CUBN: variants seen among roughly 807,000 people sequenced by gnomAD.
CUBN encodes cubilin.
CUBN carries 282 observed loss-of-function variants against 405.3 expected under a neutral mutation model. The ratio of observed to expected loss-of-function variants is 0.70; its 90% CI spans 0.63 to 0.77. CUBN has a LOEUF of 0.77. Among genes scored for constraint, CUBN ranks in the 30% least tolerant of loss-of-function variants. The probability of loss-of-function intolerance (pLI) is 0.00; values close to 1 mark genes in which losing one functional copy is unlikely to be tolerated. For missense variants in CUBN, 4,514 were observed against 4,475.2 expected, an observed-to-expected ratio of 1.01 and a Z score of -0.25; for synonymous variants, 1,684 against 1,617.0, an observed-to-expected ratio of 1.04 and a Z score of -0.99.
At position 16,944,299 on chromosome 10, in the gene CUBN, A is replaced by G. The variant is rs192001028; in HGVS notation, c.5342+2936T>C. Among the ~76,000 whole-genome samples the G allele has an allele frequency of 9.7e-4, 148 of 152,292 alleles. 1 individual carries two copies. Among genetic ancestry groups the G allele is most frequent in the African/African-American group, 3.2e-3 (132 of 41,552 alleles). Reference sequence around the variant, plus strand: ...GCTTTCTGAGAAGCAGAAGAAAACAATTTACCATATTCACATTTTTGGTCA... The same window carrying G: ...GCTTTCTGAGAAGCAGAAGAAAACAGTTTACCATATTCACATTTTTGGTCA... On this transcript the variant is annotated intron_variant, in intron 36 of 66. Coordinates refer to ENST00000377833, the MANE Select transcript of CUBN (RefSeq NM_001081.4).
chr10:16,834,828 G>A (rs72771367), intron 64 of CUBN, among the ~76,000 whole-genome samples, 186 bp downstream of exon 64: 1 of 152,054 alleles, frequency 6.6e-6, no homozygotes, highest in Non-Finnish European at 1.5e-5. Flanking sequence ...CGGGCCCTAA[G>A]GTTCCCAATT....
chr10:16,867,427 G>A (rs927283486), intron 59 of CUBN, among the ~76,000 whole-genome samples: 1 of 152,124 alleles, frequency 6.6e-6, no homozygotes, highest in African/African-American at 2.4e-5. Flanking sequence ...AACAAAATTT[G>A]AAAGTTATGC....
At chr10:16,929,949 T>C (rs767729042) in intron 40 of CUBN, among the ~76,000 whole-genome samples, 12 of 152,222 alleles carry the variant, frequency 7.9e-5, no homozygotes, top group Non-Finnish European at 1.3e-4. Context: ...TAAGTGCTTG[T>C]TGATTAGCCT....
intron 6 of CUBN, among the ~76,000 whole-genome samples, chr10:17,117,522 G>A (rs535676435): frequency 3.7e-4 from 56 of 152,160 alleles, no homozygotes; most frequent in East Asian, 2.1e-3. Flanking sequence ...CTACAGGTGC[G>A]TGCCACCACA....
intron 47 of CUBN, 88 bp from the exon 48 acceptor site, chr10:16,914,080 A>G: frequency 7.1e-7 from 1 of 1,403,240 alleles, no homozygotes; most frequent in Non-Finnish European, 9.9e-7. Context: ...AGGTATTTAA[A>G]AATTATCCTT....
intron 59 of CUBN, among the ~76,000 whole-genome samples, chr10:16,857,549 T>TA (rs1032949580): frequency 2.0e-5 from 3 of 152,136 alleles, no homozygotes; most frequent in Non-Finnish European, 4.4e-5. Flanking sequence ...ACTTGGAAAT[T>TA]AAAAAAATAA....
intron 14 of CUBN, among the ~76,000 whole-genome samples, chr10:17,097,351 A>T (rs1836397950): frequency 6.6e-6 from 1 of 152,130 alleles, no homozygotes; most frequent in African/African-American, 2.4e-5. Context: ...CAAAACTGAA[A>T]AAAGAAGAAA....
At chr10:16,937,493 A>C in intron 39 of CUBN, 99 bp downstream of exon 39, 1 of 972,752 alleles carries the variant, frequency 1.0e-6, no homozygotes, top group Non-Finnish European at 1.6e-6. Flanking sequence ...TTGGGGCTGT[A>C]CTTATTTTTA....
At chr10:16,956,158 T>C (rs926401225) in intron 31 of CUBN, among the ~76,000 whole-genome samples, 1 of 152,190 alleles carries the variant, frequency 6.6e-6, no homozygotes, top group Non-Finnish European at 1.5e-5. Flanking sequence ...CAGGTATGAT[T>C]GGCAGGATAT....
intron 45 of CUBN, among the ~76,000 whole-genome samples, chr10:16,916,501 G>C (rs1841889464): frequency 6.6e-6 from 1 of 152,172 alleles, no homozygotes; most frequent in Admixed American, 6.5e-5. Context: ...GTTCACTACA[G>C]TAACTGATAT....
chr10:16,993,323 A>AT (rs980302306), intron 28 of CUBN, among the ~76,000 whole-genome samples: 2 of 152,168 alleles, frequency 1.3e-5, no homozygotes, highest in South Asian at 2.1e-4. Flanking sequence ...ATCTGATTCA[A>AT]TTTTTTTATC....
chr10:16,851,578 G>A, intron 59 of CUBN, 135 bp from the exon 60 acceptor site: 2 of 821,672 alleles, frequency 2.4e-6, no homozygotes, highest in East Asian at 5.3e-5. Flanking sequence ...TTCCCTCCTG[G>A]GCTCCCTCCT....
chr10:16,829,321 T>C (rs1463622719), intron 65 of CUBN, among the ~76,000 whole-genome samples: 1 of 132,262 alleles, frequency 7.6e-6, no homozygotes, highest in Non-Finnish European at 1.5e-5. Flanking sequence ...ACTTTGAAAA[T>C]TGGGGGTTGA....
At chr10:16,859,568 T>G (rs901387687) in intron 59 of CUBN, among the ~76,000 whole-genome samples, 1 of 152,130 alleles carries the variant, frequency 6.6e-6, no homozygotes, top group Non-Finnish European at 1.5e-5. Flanking sequence ...CATGATGGAA[T>G]AGCATCGTAA....
At chr10:16,988,087 T>G (rs936422347) in intron 29 of CUBN, among the ~76,000 whole-genome samples, 1 of 152,214 alleles carries the variant, frequency 6.6e-6, no homozygotes, top group African/African-American at 2.4e-5. Context: ...GCCCCAGGCC[T>G]GCTTGTAGGG....
intron 59 of CUBN, among the ~76,000 whole-genome samples, chr10:16,859,240 T>TTGG (rs1224051187): frequency 6.6e-6 from 1 of 152,118 alleles, no homozygotes; most frequent in African/African-American, 2.4e-5. Flanking sequence ...AAAGGATCAT[T>TTGG]GATTGAGAAT....
chr10:16,979,057 C>T (rs1833185377), intron 31 of CUBN, among the ~76,000 whole-genome samples: 1 of 152,150 alleles, frequency 6.6e-6, no homozygotes, highest in Non-Finnish European at 1.5e-5. Context: ...AATAGCCAAA[C>T]AGAAAGCCAA....
intron 31 of CUBN, among the ~76,000 whole-genome samples, chr10:16,980,525 G>T (rs999036234): frequency 2.0e-5 from 3 of 152,174 alleles, no homozygotes; most frequent in Non-Finnish European, 4.4e-5. Flanking sequence ...AAAAGGATGA[G>T]TTCATGTACT....
rs754471753 is a variant in CUBN, at chr10:16,984,104, C to T, written c.4525+1G>A. 6.2e-7 allele frequency: 1 copy of T among 1,614,176 alleles called. No individual in the cohort carries two copies. Among genetic ancestry groups the T allele is most frequent in the Non-Finnish European group, 8.5e-7 (1 of 1,180,024 alleles). The stretch of plus-strand genomic sequence containing the variant: ...TTAGGAAACCTCCTTTTCTCACTCA[C>T]CTCCAGTGACTGCTTGCCATGACGC... On this transcript the variant is annotated splice_donor_variant, in intron 30 of 66. Transcript: ENST00000377833. LOFTEE classifies it high-confidence loss of function.
Sources: allele counts gnomAD v4.1 joint callset (sites outside exome capture counted in the v4.1 genomes callset), GRCh38; gene constraint gnomAD v4.1.1; transcripts MANE v1.5; gene names NCBI Gene and HGNC (gene_info 2026-07-23, HGNC 2026-07-21).